Variants in ACBD6 observed in about 807,000 individuals in gnomAD.
The protein encoded by ACBD6 is acyl-CoA-binding domain-containing protein 6.
In ACBD6, 28 loss-of-function variants were observed where a neutral mutation model predicts 37.2. The observed-to-expected ratio is 0.75, with a 90% CI of 0.56 to 1.03. ACBD6 has a LOEUF of 1.03. Among genes scored for constraint, ACBD6 ranks in the 50% least tolerant of loss-of-function variants. The pLI is 0.00. For missense variants in ACBD6, 340 were observed against 337.4 expected (o/e 1.01, Z -0.06); for synonymous variants, 113 against 126.8 (o/e 0.89, Z 0.73).
chr1:180,314,599 T>C (rs1650725908), intron 7 of ACBD6, 93 bp downstream of exon 7: 3 of 1,045,758 alleles, frequency 2.9e-6, no homozygotes, highest in Non-Finnish European at 4.4e-6. Flanking sequence ...GCCAGGTACC[T>C]ATCTAAGCAC....
At position 180,301,176 on chromosome 1, in the gene ACBD6, T is replaced by A. The variant is rs1044799237; in HGVS notation, c.695-12659A>T. On this transcript the variant is annotated intron_variant, in intron 7 of 7. Coordinates refer to ENST00000367595, the MANE Select transcript of ACBD6 (RefSeq NM_032360.4). Reference sequence around the variant, plus strand: ...CACCACTACTGTATATCTGCCTAGGTTTAGACTTTTTTGGTGTCTGTATAC... The same window carrying A: ...CACCACTACTGTATATCTGCCTAGGATTAGACTTTTTTGGTGTCTGTATAC... 4.6e-5 allele frequency among the ~76,000 whole-genome samples: 7 copies of A among 152,320 alleles called. No homozygotes were observed. In the East Asian group the frequency reaches 1.3e-3, roughly 29 times the overall value.
chr1:180,393,856 C>T (rs1341257114), intron 6 of ACBD6, among the ~76,000 whole-genome samples: 1 of 152,166 alleles, frequency 6.6e-6, no homozygotes, highest in Non-Finnish European at 1.5e-5. Context: ...TTGTGGCAGG[C>T]ATATAATTCT....
intron 7 of ACBD6, among the ~76,000 whole-genome samples, chr1:180,306,599 G>A (rs1417343504): frequency 6.6e-6 from 1 of 152,120 alleles, no homozygotes; most frequent in Non-Finnish European, 1.5e-5. Context: ...TCTCAGCTCA[G>A]TAGCATGTGT....
At chr1:180,430,326 C>A in intron 3 of ACBD6, 64 bp from the exon 4 acceptor site, 1 of 1,323,276 alleles carries the variant, frequency 7.6e-7, no homozygotes, top group South Asian at 1.2e-5. Context: ...GTATTTAAAT[C>A]AGTTACAAAA....
At chr1:180,469,809 T>C (rs1022314696) in intron 3 of ACBD6, among the ~76,000 whole-genome samples, 4 of 152,200 alleles carry the variant, frequency 2.6e-5, no homozygotes, top group South Asian at 2.1e-4. Context: ...CGTTTATTTT[T>C]TGGTGGCATA....
Position 180,296,172 on chromosome 1 carries a change from C to A in ACBD6, c.695-7655G>T, listed in dbSNP as rs1380445932. 3.9e-5 allele frequency among the ~76,000 whole-genome samples: 6 copies of A among 152,168 alleles called. No individual in the cohort carries two copies. The South Asian group carries it at 8.3e-4, about 21-fold the overall frequency. ...TAGAAGATCAAACCAGCCACAACATCCCCTGAAGCCAAAGTCTAATCCACA... is the reference window on the plus strand; with the variant it reads ...TAGAAGATCAAACCAGCCACAACATACCCTGAAGCCAAAGTCTAATCCACA... On this transcript the variant is annotated intron_variant, in intron 7 of 7. Coordinates refer to ENST00000367595, the MANE Select transcript of ACBD6 (RefSeq NM_032360.4).
At chr1:180,320,480 TA>T (rs1651026548) in intron 6 of ACBD6, among the ~76,000 whole-genome samples, 1 of 149,080 alleles carries the variant, frequency 6.7e-6, no homozygotes, top group African/African-American at 2.5e-5. Flanking sequence ...TATTAAAAAA[TA>T]TAAAAAAATT....
intron 3 of ACBD6, among the ~76,000 whole-genome samples, chr1:180,478,681 A>C (rs1650897049): frequency 6.6e-6 from 1 of 152,048 alleles, no homozygotes; most frequent in Admixed American, 6.6e-5. Context: ...ACGGGGTTTC[A>C]CCATGTTGGT....
Position 180,502,259 on chromosome 1 carries a change from G to A in ACBD6, c.8C>T (p.Ser3Leu). Residue 3 changes from serine to leucine, a missense_variant, in exon 1 of 8, where the codon TCA (serine) becomes TTA (leucine). Coordinates refer to ENST00000367595, the MANE Select transcript of ACBD6 (RefSeq NM_032360.4). MA[S>L]SFLPAGAITG... The stretch of plus-strand genomic sequence containing the variant: ...GATGGCCCCCGCGGGCAGGAATGAT[G>A]AAGCCATGTCTCCTTGCTCGCTCCG... 1.2e-6 allele frequency: 2 copies of A among 1,613,100 alleles called. No homozygotes were observed. Among genetic ancestry groups the A allele is most frequent in the Non-Finnish European group, 1.7e-6 (2 of 1,180,024 alleles).
At chr1:180,299,339 C>T (rs1373970675) in intron 7 of ACBD6, among the ~76,000 whole-genome samples, 3 of 152,142 alleles carry the variant, frequency 2.0e-5, no homozygotes, top group Non-Finnish European at 4.4e-5. Flanking sequence ...CTGGTGCCCA[C>T]AATGTGCTGG....
chr1:180,467,273 T>C (rs548421514), intron 3 of ACBD6, among the ~76,000 whole-genome samples: 23 of 151,692 alleles, frequency 1.5e-4, no homozygotes, highest in African/African-American at 3.1e-4. Flanking sequence ...CATCGTTTTA[T>C]TGATATTCAA....
intron 4 of ACBD6, among the ~76,000 whole-genome samples, chr1:180,427,746 AC>A (rs954455128): frequency 1.3e-5 from 2 of 152,074 alleles, no homozygotes; most frequent in Non-Finnish European, 2.9e-5. Flanking sequence ...ATATGGTGAA[AC>A]CCTGTCTCCA....
At chr1:180,431,610 C>T (rs1557867558) in intron 3 of ACBD6, among the ~76,000 whole-genome samples, 1 of 152,140 alleles carries the variant, frequency 6.6e-6, no homozygotes, top group Non-Finnish European at 1.5e-5. Flanking sequence ...TATGTATCCT[C>T]ATTATAAGCT....
At chr1:180,343,917 T>C (rs1652077305) in intron 6 of ACBD6, among the ~76,000 whole-genome samples, 2 of 151,968 alleles carry the variant, frequency 1.3e-5, no homozygotes, top group South Asian at 2.1e-4. Flanking sequence ...GAAAATAAAC[T>C]ACTTGCAAGA....
At chr1:180,289,128 T>C (rs1263545976) in intron 7 of ACBD6, among the ~76,000 whole-genome samples, 5 of 150,676 alleles carry the variant, frequency 3.3e-5, no homozygotes, top group Admixed American at 2.0e-4. Context: ...ATATCAAGAC[T>C]TATAAATATG....
Position 180,271,200 on chromosome 1 carries a change from T to C in ACBD6, c.*2025A>G, listed in dbSNP as rs1222711615. The C allele has an allele frequency of 7.2e-6, 5 of 691,028 alleles. No individual in the cohort carries two copies. In the East Asian group the frequency reaches 1.3e-4, roughly 18 times the overall value. 42.8% of individuals were successfully genotyped at this position (691,028 alleles called of 1,614,324 possible). A position where few individuals can be genotyped will look rare whatever the true frequency, so the allele number is the denominator to read the frequency against. Reference sequence around the variant, plus strand: ...CTTTTCAGTGGCTTGGGAAGGCCCGTGGTGCAGGAGTCAGTGCCATGAGAG... The same window carrying C: ...CTTTTCAGTGGCTTGGGAAGGCCCGCGGTGCAGGAGTCAGTGCCATGAGAG... On this transcript the variant is annotated 3_prime_UTR_variant, in exon 14 of 14. Transcript: ENST00000642319.
At chr1:180,402,650 G>T (rs1172390861) in intron 5 of ACBD6, among the ~76,000 whole-genome samples, 2 of 151,986 alleles carry the variant, frequency 1.3e-5, no homozygotes, top group Non-Finnish European at 2.9e-5. Flanking sequence ...AAAATTAGCT[G>T]GACATGGTGG....
Position 180,411,217 on chromosome 1 carries a change from G to A in ACBD6, c.573+2149C>T, listed in dbSNP as rs572057363. Among the ~76,000 whole-genome samples the A allele has an allele frequency of 5.3e-5, 8 of 152,276 alleles. No individual in the cohort carries two copies. In the South Asian group the frequency reaches 8.3e-4, roughly 16 times the overall value. Reference sequence around the variant, plus strand: ...GGTTTCTTAAGACAGAATCTACTCCGGCGAAGATGTTGTGAACATTGTTGA... The same window carrying A: ...GGTTTCTTAAGACAGAATCTACTCCAGCGAAGATGTTGTGAACATTGTTGA... On this transcript the variant is annotated intron_variant, in intron 5 of 7. Coordinates refer to ENST00000367595, the MANE Select transcript of ACBD6 (RefSeq NM_032360.4).
intron 6 of ACBD6, among the ~76,000 whole-genome samples, chr1:180,323,903 C>T (rs866016598): frequency 3.8e-3 from 1 of 260 alleles, no homozygotes; most frequent in South Asian, 0.056. Flanking sequence ...GACGGAGTCT[C>T]GCTCTGTCGC....
Sources: allele counts gnomAD v4.1 joint callset (sites outside exome capture counted in the v4.1 genomes callset), GRCh38; gene constraint gnomAD v4.1.1; transcripts MANE v1.5; gene names NCBI Gene and HGNC (gene_info 2026-07-23, HGNC 2026-07-21).